VPS51: variants seen among roughly 807,000 people sequenced by gnomAD.
The protein encoded by VPS51 is VPS51 subunit of GARP complex, also known as vacuolar protein sorting-associated protein 51 homolog.
Under a neutral mutation model 65.1 loss-of-function variants are expected in VPS51, and 55 were observed. That is an observed-to-expected ratio of 0.84 (90% CI 0.68 to 1.06). VPS51 has a LOEUF of 1.06. Among genes scored for constraint, VPS51 ranks in the 50% least tolerant of loss-of-function variants. VPS51 has a pLI of 0.00. For synonymous variants in VPS51, 473 were observed against 489.5 expected, an observed-to-expected ratio of 0.97 and a Z score of 0.44; for missense variants, 943 against 1,101.6, an observed-to-expected ratio of 0.86 and a Z score of 2.04.
At chr11:65,109,107 A>C (rs1057056916) in intron 5 of VPS51, 173 bp from the exon 6 acceptor site, 43 of 998,594 alleles carry the variant, frequency 4.3e-5, no homozygotes, top group Non-Finnish European at 6.1e-5. Flanking sequence ...TGGGGTCCCC[A>C]GTGTTGGCTT....
chr11:65,111,509 G>A lies in VPS51; in HGVS notation c.2271G>A (p.Val757=). ...TGCACTTGCTGCTGGACGAAGTGGT[G>A]GCCTCTGCTGCCCTGCGCTGCCCAG... The part of the protein sequence containing the change: ...ELVHLLLDEV[V]ASAALRCPDP... The change falls in exon 10 of 10, where the codon GTG becomes GTA. Residue 757 remains valine, a synonymous_variant. Transcript: ENST00000279281. The A allele has an allele frequency of 6.2e-7, 1 of 1,613,622 alleles. No individual in the cohort carries two copies. Among genetic ancestry groups the A allele is most frequent in the South Asian group, 1.1e-5 (1 of 91,088 alleles).
intron 5 of VPS51, 134 bp downstream of exon 5, chr11:65,109,048 G>T: frequency 1.7e-6 from 2 of 1,205,562 alleles, no homozygotes; most frequent in African/African-American, 1.5e-5. Flanking sequence ...GGTCTGGGGG[G>T]TGGGGAAGGC....
Position 65,109,709 on chromosome 11 carries a change from A to G in VPS51, c.1664A>G (p.Gln555Arg). Residue 555 changes from glutamine (Q) to arginine (R), a missense_variant, in exon 7 of 10, where the codon CAG (glutamine) becomes CGG (arginine). Gln to Arg is a conservative substitution (Grantham distance 43). This residue lies in a region of VPS51 where 855 missense variants were observed against 953.7 expected (regional missense o/e 0.90). Coordinates refer to ENST00000279281, the MANE Select transcript of VPS51 (RefSeq NM_013265.4). ...LTDEQFLVQD[Q>R]FPVTPVSTLC... ...TCCTCTGCCTCCTTGGCTCAGGATC[A>G]GTTCCCAGTGACGCCCGTGAGCACG... is the stretch of plus-strand genomic sequence containing the variant. The G allele has an allele frequency of 6.4e-7, 1 of 1,566,678 alleles. No individual in the cohort carries two copies. Among genetic ancestry groups the G allele is most frequent in the East Asian group, 2.4e-5 (1 of 42,550 alleles).
Position 65,110,471 on chromosome 11 carries a change from T to C in VPS51, c.1879-11T>C, listed in dbSNP as rs769116427. 3.1e-5 allele frequency: 50 copies of C among 1,613,718 alleles called. No individual in the cohort carries two copies. The highest frequency in any genetic ancestry group is 4.1e-5 in the Non-Finnish European group (48 of 1,180,010). On this transcript the variant is annotated splice_polypyrimidine_tract_variant and intron_variant, in intron 7 of 9. Coordinates refer to ENST00000279281, the MANE Select transcript of VPS51 (RefSeq NM_013265.4). The stretch of plus-strand genomic sequence containing the variant: ...CTCGGGCCTCCTTGCAGTACCTCTT[T>C]TTACCACCAGGTGGGGCTCCTGTAC...
chr11:65,111,021 C>T, intron 9 of VPS51: 1 of 663,958 alleles, frequency 1.5e-6, no homozygotes, highest in Non-Finnish European at 2.6e-6. Flanking sequence ...CCTGGGATTA[C>T]TGTTTGCCCT....
At chr11:65,104,651 T>C (rs1947830161) in intron 2 of VPS51, among the ~76,000 whole-genome samples, 1 of 152,352 alleles carries the variant, frequency 6.6e-6, no homozygotes, top group East Asian at 1.9e-4. Flanking sequence ...TGCATCTCCA[T>C]TTGTTTATTT....
At position 65,110,698 on chromosome 11, in the gene VPS51, C is replaced by T. The variant is rs755280975; in HGVS notation, c.2005C>T (p.Pro669Ser). ...RYAPSYTPSAPMDTNLLSNIQ... is the reference protein window; with the variant it reads ...RYAPSYTPSASMDTNLLSNIQ... The stretch of plus-strand genomic sequence containing the variant: ...TCCTTGTCTTCCCCAATCCAGTGCC[C>T]CGATGGACACCAACCTCTTGAGCAA... The change falls in exon 9 of 10, where the codon CCG (proline) becomes TCG (serine). Residue 669 changes from proline (P) to serine (S), a missense_variant. Physicochemically the swap from Pro to Ser is moderately conservative, Grantham distance 74. Around this residue, in one of 2 missense-constraint regions of VPS51, gnomAD observed 855 missense variants for 953.7 expected, o/e 0.90. Transcript: ENST00000279281. 3.7e-6 allele frequency: 6 copies of T among 1,614,026 alleles called. No individual in the cohort carries two copies. The highest frequency in any genetic ancestry group is 5.1e-6 in the Non-Finnish European group (6 of 1,180,028).
In VPS51 at chr11:65,111,324, C is replaced by T; in HGVS notation, c.2089-3C>T. ...AGCTGCATCCCTGTGTCCCTGCCTG[C>T]AGGTGTCGGTGCTGACCGGCATCAT... On this transcript the variant is annotated splice_polypyrimidine_tract_variant and splice_region_variant and intron_variant, in intron 9 of 9. Coordinates refer to ENST00000279281, the MANE Select transcript of VPS51 (RefSeq NM_013265.4). The T allele has an allele frequency of 6.2e-7, 1 of 1,602,134 alleles. No individual in the cohort carries two copies.
At chr11:65,111,083 C>G (rs905511299) in intron 9 of VPS51, 4 of 736,626 alleles carry the variant, frequency 5.4e-6, no homozygotes, top group Admixed American at 2.0e-5. Flanking sequence ...TTCTGTTCAC[C>G]CATGGTCCCT....
Position 65,109,223 on chromosome 11 carries a change from TAAC to T in VPS51, c.1444-55_1444-53del, listed in dbSNP as rs1445984390. The T allele has an allele frequency of 4.4e-5, 69 of 1,565,374 alleles. 1 individual carries two copies. On this transcript the variant is annotated intron_variant, in intron 5 of 9. Transcript: ENST00000279281. ...ACTTAGAGCCCCAGCAGAGGGTCAT[TAAC>T]AGCCTTACCTGGAAGAGGGGACCTG...
intron 1 of VPS51, chr11:65,096,691 T>A: frequency 3.2e-6 from 2 of 625,324 alleles, no homozygotes; most frequent in Non-Finnish European, 5.5e-6. Context: ...ATGCGGCATC[T>A]GAGGTCTTCT....
Position 65,096,428 on chromosome 11 carries a change from C to T in VPS51, c.178C>T (p.Pro60Ser). 6.4e-7 allele frequency: 1 copy of T among 1,557,374 alleles called. No homozygotes were observed. Residue 60 changes from proline to serine, a missense_variant, in exon 1 of 10, where the codon CCG becomes TCG. Pro to Ser is a moderately conservative substitution (Grantham distance 74). Around this residue, in one of 2 missense-constraint regions of VPS51, gnomAD observed 855 missense variants for 953.7 expected, o/e 0.90. Transcript: ENST00000279281. ...CCCCGCGGGGCCCGACCCCCTGGAC[C>T]CGACTGATCTGAACGGGGCGCACTT... ...GRPAGPDPLD[P>S]TDLNGAHFDP...
At chr11:65,097,267 T>A in intron 2 of VPS51, 140 bp downstream of exon 2, 1 of 1,299,420 alleles carries the variant, frequency 7.7e-7, no homozygotes. Flanking sequence ...TCACCTCCTT[T>A]CCTTTGAGCC....
At chr11:65,106,750 C>A (rs1204528866) in intron 2 of VPS51, among the ~76,000 whole-genome samples, 267 of 131,560 alleles carry the variant, frequency 2.0e-3, no homozygotes, top group Admixed American at 2.6e-3. Flanking sequence ...GACTCAGTCT[C>A]AAAAAAAAAA....
At chr11:65,099,030 A>G (rs1465969459) in intron 2 of VPS51, among the ~76,000 whole-genome samples, 1 of 152,144 alleles carries the variant, frequency 6.6e-6, no homozygotes, top group African/African-American at 2.4e-5. Context: ...TCTACTAAAA[A>G]TACAAAAATT....
chr11:65,107,929 A>C lies in VPS51; in HGVS notation c.632A>C (p.Gln211Pro). The change falls in exon 4 of 10, where the codon CAG (glutamine) becomes CCG (proline). Residue 211 changes from glutamine to proline, a missense_variant. Gln to Pro is a moderately conservative substitution (Grantham distance 76). This residue lies in a region of VPS51 where 855 missense variants were observed against 953.7 expected (regional missense o/e 0.90). Coordinates refer to ENST00000279281, the MANE Select transcript of VPS51 (RefSeq NM_013265.4). This position sits in a 1 kb window ranked among gnomAD's most constrained non-coding sequence, Gnocchi z 4.0. ...RYQGRAQAVLQQYQHLPSFRA... is the reference protein window; with the variant it reads ...RYQGRAQAVLPQYQHLPSFRA... ...CAGGGCCGCGCGCAGGCCGTGCTGC[A>C]GCAGTACCAACACCTGCCCTCGTTC... 1 of 1,563,030 alleles carries C rather than the reference A, an allele frequency of 6.4e-7. No individual in the cohort carries two copies. Among genetic ancestry groups the C allele is most frequent in the Non-Finnish European group, 8.6e-7 (1 of 1,156,244 alleles).
At position 65,111,368 on chromosome 11, in the gene VPS51, G is replaced by A. The variant is rs1446926565; in HGVS notation, c.2130G>A (p.Thr710=). The change falls in exon 10 of 10, where the codon ACG becomes ACA. Residue 710 remains threonine, a synonymous_variant. Coordinates refer to ENST00000279281, the MANE Select transcript of VPS51 (RefSeq NM_013265.4). ...LTGIIKISLK[T]LLECVRLRTF... is the part of the protein sequence containing the mutation. ...GCATCATCAAGATCAGCCTGAAGACGCTGCTGGAGTGTGTGCGGCTGCGCA... is the reference window on the plus strand; with the variant it reads ...GCATCATCAAGATCAGCCTGAAGACACTGCTGGAGTGTGTGCGGCTGCGCA... 3.7e-6 allele frequency: 6 copies of A among 1,610,004 alleles called. No homozygotes were observed. Among genetic ancestry groups the A allele is most frequent in the Admixed American group, 3.3e-5 (2 of 60,032 alleles).
chr11:65,099,262 A>T (rs1391077279), intron 2 of VPS51, among the ~76,000 whole-genome samples: 1 of 152,060 alleles, frequency 6.6e-6, no homozygotes, highest in Admixed American at 6.6e-5. Flanking sequence ...CTCAGGAAGG[A>T]GGGGGGTGGA....
At position 65,107,170 on chromosome 11, in the gene VPS51, T is replaced by A; in HGVS notation, c.359-411T>A. 2.1e-6 allele frequency: 1 copy of A among 466,434 alleles called. No homozygotes were observed. Among genetic ancestry groups the A allele is most frequent in the South Asian group, 1.5e-5 (1 of 64,658 alleles). 28.9% of individuals were successfully genotyped at this position (466,434 alleles called of 1,614,324 possible). ...GAAAGGAGATGAGGGTCAACAAGAA[T>A]GTATTGCCTCATCCAGGCAGTGCGC... is the stretch of plus-strand genomic sequence containing the variant. On this transcript the variant is annotated intron_variant, in intron 2 of 9. Coordinates refer to ENST00000279281, the MANE Select transcript of VPS51 (RefSeq NM_013265.4). This position sits in a 1 kb window ranked among gnomAD's most constrained non-coding sequence, Gnocchi z 4.0.
Sources: gnomAD v4.1 joint callset for allele counts (sites outside exome capture counted in the v4.1 genomes callset) on GRCh38, gnomAD v4.1.1 for gene constraint, gnomAD v4.1.1 regional missense constraint, Gnocchi (gnomAD v3.1) non-coding constraint, MANE v1.5 for transcripts, NCBI Gene and HGNC (gene_info 2026-07-23, HGNC 2026-07-21) for gene names.